The following FGGY variants were observed in gnomAD, a reference collection of about 807,000 sequenced individuals.
FGGY encodes FGGY carbohydrate kinase domain-containing protein.
FGGY carries 72 observed loss-of-function variants against 71.3 expected under a neutral mutation model. The ratio of observed to expected loss-of-function variants is 1.01; its 90% CI spans 0.84 to 1.23. FGGY has a LOEUF of 1.23. Ranked by LOEUF, FGGY falls within the 50% of genes most tolerant of loss-of-function variation. The pLI, the probability that FGGY is intolerant of heterozygous loss-of-function variation, is 0.00. For missense variants in FGGY, 668 were observed against 682.3 expected (o/e 0.98, Z 0.23); for synonymous variants, 251 against 250.3 (o/e 1.00, Z -0.02).
Position 59,326,321 on chromosome 1 carries a change from G to C in FGGY, c.201+4571G>C, listed in dbSNP as rs149151544. 2.9e-3 allele frequency among the ~76,000 whole-genome samples: 444 copies of C among 152,298 alleles called. 2 individuals carry two copies. Among genetic ancestry groups the C allele is most frequent in the African/African-American group, 0.01 (433 of 41,586 alleles). ...TATGAAGCCAGTAAAGTACCATTTT[G>C]TTCTGTCTTGGTGCTATCTATATGA... On this transcript the variant is annotated intron_variant, in intron 2 of 15. Transcript: ENST00000303721.
chr1:59,602,280 G>A (rs2096585628), intron 8 of FGGY, among the ~76,000 whole-genome samples: 2 of 152,114 alleles, frequency 1.3e-5, no homozygotes, highest in African/African-American at 2.4e-5. Context: ...CCTCATCTGT[G>A]AAGTAAATAT....
rs150222653 is a variant in FGGY at position 59,486,174 on chromosome 1, C to T, written c.671-26137C>T. ...AGACACACAGATGTGTGAATGACAG[C>T]GCACCCAGAGGGAGACCATGCGTTG... On this transcript the variant is annotated intron_variant, in intron 6 of 15. Coordinates refer to ENST00000303721, the MANE Select transcript of FGGY (RefSeq NM_018291.5). Among the ~76,000 whole-genome samples the T allele has an allele frequency of 2.7e-3, 406 of 152,236 alleles. 1 individual carries two copies. Among genetic ancestry groups the T allele is most frequent in the Admixed American group, 7.3e-3 (111 of 15,278 alleles).
At chr1:59,337,007 A>G (rs1271723210) in intron 2 of FGGY, among the ~76,000 whole-genome samples, 1 of 147,850 alleles carries the variant, frequency 6.8e-6, no homozygotes, top group East Asian at 2.0e-4. Context: ...ACATGTATGT[A>G]TATGTATATA....
chr1:59,546,432 T>A (rs2095521605), intron 7 of FGGY, among the ~76,000 whole-genome samples: 2 of 109,942 alleles, frequency 1.8e-5, no homozygotes, highest in Admixed American at 1.0e-4. Context: ...AGGGTTGGGG[T>A]GGGGAGGGGG....
chr1:59,461,121 C>G (rs1201394073), intron 6 of FGGY, among the ~76,000 whole-genome samples: 1 of 152,092 alleles, frequency 6.6e-6, no homozygotes, highest in South Asian at 2.1e-4. Context: ...ACAAACTTCT[C>G]CGAGCTAAAG....
intron 8 of FGGY, among the ~76,000 whole-genome samples, chr1:59,588,443 A>ATT (rs1405450359): frequency 1.7e-3 from 260 of 152,146 alleles, no homozygotes; most frequent in African/African-American, 5.9e-3. Context: ...AATACAGAGA[A>ATT]CGCCACAAAG....
intron 1 of FGGY, among the ~76,000 whole-genome samples, chr1:59,317,328 C>A (rs2045626682): frequency 6.6e-6 from 1 of 152,154 alleles, no homozygotes; most frequent in Non-Finnish European, 1.5e-5. Flanking sequence ...CTGTTTGTGG[C>A]ACTTTGGGCA....
intron 1 of FGGY, among the ~76,000 whole-genome samples, chr1:59,318,033 T>C (rs951976962): frequency 3.3e-5 from 5 of 151,956 alleles, no homozygotes; most frequent in Non-Finnish European, 5.9e-5. Context: ...ATTTAGTAAA[T>C]AGAGGAATAG....
intron 8 of FGGY, among the ~76,000 whole-genome samples, chr1:59,588,221 A>C (rs1224564618): frequency 2.6e-5 from 4 of 152,176 alleles, no homozygotes; most frequent in African/African-American, 9.7e-5. Flanking sequence ...GAATGAAATG[A>C]AGCGAGAAGG....
chr1:59,345,217 G>A (rs1439223044), intron 3 of FGGY, among the ~76,000 whole-genome samples: 1 of 152,132 alleles, frequency 6.6e-6, no homozygotes, highest in Non-Finnish European at 1.5e-5. Flanking sequence ...GTAGTGCTGC[G>A]GTTACTTTGC....
chr1:59,749,659 C>T (rs938699187), intron 14 of FGGY, among the ~76,000 whole-genome samples: 9 of 152,086 alleles, frequency 5.9e-5, no homozygotes, highest in African/African-American at 2.2e-4. Flanking sequence ...CACCCCTGGC[C>T]ACATGGAGCT....
At chr1:59,298,506 G>A (rs745657040) in intron 1 of FGGY, among the ~76,000 whole-genome samples, 1 of 152,220 alleles carries the variant, frequency 6.6e-6, no homozygotes, top group Non-Finnish European at 1.5e-5. Flanking sequence ...TTACTGGGAG[G>A]AGGCTGGGCC....
chr1:59,724,212 C>T lies in FGGY; in HGVS notation c.1513-33719C>T, dbSNP rs186929659. ...CCCCCGTGTTGGCCAGGCATGGTGG[C>T]TCATGCCTGTAATCCCAGCACTTTG... On this transcript the variant is annotated intron_variant, in intron 14 of 15. Transcript: ENST00000303721. Among the ~76,000 whole-genome samples the T allele has an allele frequency of 2.0e-3, 290 of 147,588 alleles. 2 individuals carry two copies. Among genetic ancestry groups the T allele is most frequent in the African/African-American group, 6.8e-3 (273 of 39,878 alleles).
intron 4 of FGGY, among the ~76,000 whole-genome samples, chr1:59,361,403 G>C (rs905856714): frequency 1.3e-5 from 2 of 152,110 alleles, no homozygotes; most frequent in African/African-American, 2.4e-5. Flanking sequence ...AGGGGCTCGG[G>C]GAGGTAATAT....
chr1:59,391,899 A>G (rs950341665), intron 5 of FGGY, among the ~76,000 whole-genome samples: 24 of 152,194 alleles, frequency 1.6e-4, no homozygotes, highest in Non-Finnish European at 3.1e-4. Context: ...CTCACTTACA[A>G]ATAGATATGA....
At chr1:59,448,975 G>A (rs1400131526) in intron 5 of FGGY, among the ~76,000 whole-genome samples, 1 of 152,092 alleles carries the variant, frequency 6.6e-6, no homozygotes, top group Non-Finnish European at 1.5e-5. Context: ...GGAATTTCAG[G>A]CAAACCTATA....
intron 1 of FGGY, among the ~76,000 whole-genome samples, chr1:59,312,045 GTCT>G (rs902669993): frequency 5.3e-5 from 8 of 152,182 alleles, no homozygotes; most frequent in Non-Finnish European, 1.0e-4. Flanking sequence ...TGCGTAAATG[GTCT>G]TCTTTTGAGA....
intron 7 of FGGY, among the ~76,000 whole-genome samples, chr1:59,520,830 T>TG (rs2094805934): frequency 6.6e-6 from 1 of 151,986 alleles, no homozygotes; most frequent in Non-Finnish European, 1.5e-5. Flanking sequence ...GGAGACAGCC[T>TG]GGGGGGATGA....
intron 5 of FGGY, among the ~76,000 whole-genome samples, chr1:59,380,384 A>G (rs1419429688): frequency 2.0e-5 from 3 of 151,528 alleles, no homozygotes; most frequent in Non-Finnish European, 4.4e-5. Flanking sequence ...GACTTCCACA[A>G]TGGTTGAACT....
Sources: allele counts gnomAD v4.1 joint callset (sites outside exome capture counted in the v4.1 genomes callset), GRCh38; gene constraint gnomAD v4.1.1; transcripts MANE v1.5; gene names NCBI Gene and HGNC (gene_info 2026-07-23, HGNC 2026-07-21).